MICU2: variants seen among roughly 807,000 people sequenced by gnomAD.
The protein encoded by MICU2 is calcium uptake protein 2, mitochondrial.
Under a neutral mutation model 60.4 loss-of-function variants are expected in MICU2, and 64 were observed. The ratio of observed to expected loss-of-function variants is 1.06; its 90% CI spans 0.87 to 1.31. The LOEUF is 1.31. Ranked by LOEUF, MICU2 falls within the 50% of genes most tolerant of loss-of-function variation. MICU2 has a pLI of 0.00. For synonymous variants in MICU2, 201 were observed against 175.0 expected (o/e 1.15, Z -1.17); for missense variants, 569 against 531.0 (o/e 1.07, Z -0.70).
chr13:21,514,436 A>G lies in MICU2; in HGVS notation c.598-18T>C. 4.4e-6 allele frequency: 7 copies of G among 1,596,390 alleles called. No homozygotes were observed. The highest frequency in any genetic ancestry group is 5.1e-6 in the Non-Finnish European group (6 of 1,166,946). On this transcript the variant is annotated intron_variant, in intron 6 of 11. Coordinates refer to ENST00000382374, the MANE Select transcript of MICU2 (RefSeq NM_152726.3). ...TTCTGCAGCTAAAAAGATTACAAAC[A>G]TGAGTTTACATGTGTGCCTACCAGA... is the stretch of plus-strand genomic sequence containing the variant.
rs749073728 is a variant in MICU2, at chr13:21,495,320, T to TA, written c.1043-3dup. The TA allele has an allele frequency of 3.2e-5, 51 of 1,579,038 alleles. No homozygotes were observed. In the South Asian group the frequency reaches 5.3e-4, roughly 16 times the overall value. On this transcript the variant is annotated splice_polypyrimidine_tract_variant and splice_region_variant and intron_variant, in intron 10 of 11. Transcript: ENST00000382374. ...CTTTCACAGCTCTCTTAAACTCCGC[T>TA]AAAAAACAAACATAAAACAACTTAT...
At chr13:21,595,778 T>C (rs1274607999) in intron 1 of MICU2, among the ~76,000 whole-genome samples, 2 of 152,254 alleles carry the variant, frequency 1.3e-5, no homozygotes, top group African/African-American at 4.8e-5. Flanking sequence ...GCACAGCCTC[T>C]TGGAAAAGGC....
chr13:21,495,411 T>A, intron 10 of MICU2, 93 bp from the exon 11 acceptor site: 1 of 1,265,374 alleles, frequency 7.9e-7, no homozygotes, highest in Admixed American at 3.1e-5. Context: ...TAAAAGCAAA[T>A]CCAAATTTTT....
At chr13:21,549,017 CCTGGGTTACACCATT>C (rs1342591871) in intron 2 of MICU2, among the ~76,000 whole-genome samples, 2 of 149,262 alleles carry the variant, frequency 1.3e-5, no homozygotes, top group Non-Finnish European at 3.0e-5. Flanking sequence ...AGCTCTGCCT[CCTGGGTTACACCATT>C]CTCCTGCCTC....
At chr13:21,530,815 G>A in intron 4 of MICU2, 3 of 724,992 alleles carry the variant, frequency 4.1e-6, no homozygotes, top group South Asian at 1.5e-5. Context: ...CCGAGGCCAG[G>A]CAAGCCGTGG....
At chr13:21,520,844 T>C (rs919540917) in intron 6 of MICU2, among the ~76,000 whole-genome samples, 1 of 152,090 alleles carries the variant, frequency 6.6e-6, no homozygotes, top group Non-Finnish European at 1.5e-5. Context: ...TTTTCACTTT[T>C]TTCCAATTCT....
chr13:21,575,703 C>G (rs1442254997), intron 1 of MICU2, among the ~76,000 whole-genome samples: 1 of 122,056 alleles, frequency 8.2e-6, no homozygotes, highest in Non-Finnish European at 1.6e-5. Context: ...GCACTCCAGC[C>G]TGAGCGACAG....
intron 2 of MICU2, among the ~76,000 whole-genome samples, chr13:21,561,913 C>T (rs1444646299): frequency 7.4e-6 from 1 of 134,778 alleles, no homozygotes; most frequent in East Asian, 2.3e-4. Context: ...TTCCTGTGTC[C>T]ACGTGTTCTC....
In MICU2 at chr13:21,546,852, C is replaced by T. The variant is rs191333634; in HGVS notation, c.359-7164G>A. On this transcript the variant is annotated intron_variant, in intron 2 of 11. Coordinates refer to ENST00000382374, the MANE Select transcript of MICU2 (RefSeq NM_152726.3). ...TATAGTGCTGCTCAATCCTGTGACC[C>T]TGATAAACTTACTATTAGTTCTAAT... Among the ~76,000 whole-genome samples, 247 of 152,310 alleles carry T rather than the reference C, an allele frequency of 1.6e-3. 1 individual carries two copies. Among genetic ancestry groups the T allele is most frequent in the African/African-American group, 5.7e-3 (236 of 41,562 alleles).
intron 1 of MICU2, among the ~76,000 whole-genome samples, chr13:21,571,867 G>A (rs2138046292): frequency 6.6e-6 from 1 of 152,306 alleles, no homozygotes; most frequent in African/African-American, 2.4e-5. Flanking sequence ...TTTGAGCTAT[G>A]TGACAAAAAT....
At chr13:21,538,659 A>T (rs889100972) in intron 4 of MICU2, among the ~76,000 whole-genome samples, 4 of 151,980 alleles carry the variant, frequency 2.6e-5, no homozygotes, top group Non-Finnish European at 5.9e-5. Context: ...ACATTGTATT[A>T]GGTATTATAA....
intron 1 of MICU2, among the ~76,000 whole-genome samples, chr13:21,585,554 T>C (rs961781860): frequency 2.6e-5 from 4 of 152,180 alleles, no homozygotes; most frequent in Admixed American, 2.6e-4. Context: ...TTCACAAAAA[T>C]AATCACTACA....
chr13:21,543,353 G>C (rs1887329180), intron 2 of MICU2, among the ~76,000 whole-genome samples: 1 of 152,026 alleles, frequency 6.6e-6, no homozygotes, highest in Non-Finnish European at 1.5e-5. Flanking sequence ...AAAATAAAGG[G>C]CATCCAAATT....
intron 2 of MICU2, among the ~76,000 whole-genome samples, chr13:21,543,946 C>A (rs1887345534): frequency 6.6e-6 from 1 of 152,086 alleles, no homozygotes; most frequent in African/African-American, 2.4e-5. Context: ...CAAAAAACAG[C>A]ATGGTATGGC....
Position 21,565,637 on chromosome 13 carries a change from G to A in MICU2, c.358+1160C>T, listed in dbSNP as rs150114412. 2.0e-5 allele frequency among the ~76,000 whole-genome samples: 3 copies of A among 152,276 alleles called. No homozygotes were observed. In the East Asian group the frequency reaches 5.8e-4, roughly 29 times the overall value. On this transcript the variant is annotated intron_variant, in intron 2 of 11. Transcript: ENST00000382374. ...CGCGCCACTGCACTCCAGCCTGGGC[G>A]ACAGAGCGAGACTCCGTCTCAAAAA... is the stretch of plus-strand genomic sequence containing the variant.
chr13:21,565,078 C>T (rs759707922), intron 2 of MICU2, among the ~76,000 whole-genome samples: 42 of 152,202 alleles, frequency 2.8e-4, no homozygotes, highest in Admixed American at 2.0e-4. Flanking sequence ...GAATTCACAA[C>T]GTCCAAGTGC....
intron 2 of MICU2, among the ~76,000 whole-genome samples, chr13:21,544,532 A>ACAAAAAAAAAC (rs1555273322): frequency 7.5e-6 from 1 of 132,510 alleles, no homozygotes; most frequent in African/African-American, 2.7e-5. Flanking sequence ...AAAAAAAAAA[A>ACAAAAAAAAAC]AACTCAATAC....
At chr13:21,548,921 G>T (rs1233864839) in intron 2 of MICU2, among the ~76,000 whole-genome samples, 7 of 86,320 alleles carry the variant, frequency 8.1e-5, no homozygotes, top group South Asian at 5.6e-4. Flanking sequence ...AAGTTTGAGA[G>T]TTTTTTTTTT....
chr13:21,577,789 A>G (rs1302449027), intron 1 of MICU2, among the ~76,000 whole-genome samples: 4 of 135,338 alleles, frequency 3.0e-5, no homozygotes, highest in Non-Finnish European at 4.6e-5. Flanking sequence ...TGGGTGACAG[A>G]GCGAGACTCG....
Sources: allele counts gnomAD v4.1 joint callset (sites outside exome capture counted in the v4.1 genomes callset), GRCh38; gene constraint gnomAD v4.1.1; transcripts MANE v1.5; gene names NCBI Gene and HGNC (gene_info 2026-07-23, HGNC 2026-07-21).